Variants in VWC2L observed in about 807,000 individuals in gnomAD.
VWC2L encodes von Willebrand factor C domain containing 2 like, also known as von Willebrand factor C domain-containing protein 2-like.
In VWC2L, 10 loss-of-function variants were observed where a neutral mutation model predicts 21.6. That is an observed-to-expected ratio of 0.46 (90% confidence interval 0.29 to 0.78). The LOEUF (loss-of-function observed/expected upper bound fraction) is 0.78, where lower values mean the gene tolerates loss of function less well. Ranked by LOEUF, VWC2L falls within the 30% of genes least tolerant of loss-of-function variation. The pLI, the probability that VWC2L is intolerant of heterozygous loss-of-function variation, is 0.10. For synonymous variants in VWC2L, 96 were observed against 94.3 expected, an observed-to-expected ratio of 1.02 and a Z score of -0.10; for missense variants, 209 against 277.1, an observed-to-expected ratio of 0.75 and a Z score of 1.74.
intron 2 of VWC2L, among the ~76,000 whole-genome samples, chr2:214,434,009 C>A (rs1161506202): frequency 1.3e-5 from 2 of 152,110 alleles, no homozygotes; most frequent in African/African-American, 4.8e-5. Context: ...AAGAGGAAAT[C>A]ACATGCATAT....
intron 3 of VWC2L, among the ~76,000 whole-genome samples, chr2:214,539,211 G>A (rs1689588901): frequency 6.6e-6 from 1 of 152,140 alleles, no homozygotes; most frequent in South Asian, 2.1e-4. Context: ...CAAAGGGGAT[G>A]TAAATCAACT....
At chr2:214,459,057 T>G (rs951045317) in intron 3 of VWC2L, among the ~76,000 whole-genome samples, 1 of 152,206 alleles carries the variant, frequency 6.6e-6, no homozygotes, top group African/African-American at 2.4e-5. Flanking sequence ...TCTCTCCTTT[T>G]AGATCTAGTA....
intron 3 of VWC2L, among the ~76,000 whole-genome samples, chr2:214,462,542 C>A (rs1051524756): frequency 1.3e-5 from 2 of 152,168 alleles, no homozygotes; most frequent in Non-Finnish European, 2.9e-5. Flanking sequence ...CCTTGAAGCC[C>A]CCTCTCATTC....
chr2:214,501,302 G>A (rs1688887015), intron 3 of VWC2L, among the ~76,000 whole-genome samples: 1 of 152,144 alleles, frequency 6.6e-6, no homozygotes, highest in South Asian at 2.1e-4. Context: ...AGAAACCTGA[G>A]CCATAGGAAG....
At chr2:214,524,524 T>C (rs146027053) in intron 3 of VWC2L, among the ~76,000 whole-genome samples, 1 of 152,290 alleles carries the variant, frequency 6.6e-6, no homozygotes, top group African/African-American at 2.4e-5. Context: ...CAATACAAAT[T>C]GTAATTAACC....
At chr2:214,451,311 G>GT (rs1334223344) in intron 3 of VWC2L, among the ~76,000 whole-genome samples, 2 of 150,000 alleles carry the variant, frequency 1.3e-5, no homozygotes, top group African/African-American at 2.5e-5. Flanking sequence ...GTCGGTGTGG[G>GT]GGGGGGGGGC....
chr2:214,416,686 C>T (rs1559284027), intron 2 of VWC2L, among the ~76,000 whole-genome samples: 1 of 152,028 alleles, frequency 6.6e-6, no homozygotes, highest in Non-Finnish European at 1.5e-5. Context: ...GACTTGGATT[C>T]GAATCCCAAA....
At chr2:214,543,303 T>C (rs2105921817) in intron 3 of VWC2L, among the ~76,000 whole-genome samples, 1 of 152,342 alleles carries the variant, frequency 6.6e-6, no homozygotes, top group African/African-American at 2.4e-5. Context: ...CATAGAGTGT[T>C]TACCTTTAAA....
intron 3 of VWC2L, among the ~76,000 whole-genome samples, chr2:214,537,346 T>C (rs1213095445): frequency 6.6e-6 from 1 of 152,084 alleles, no homozygotes; most frequent in East Asian, 1.9e-4. Context: ...ATGGCTTTTG[T>C]GAATAATTAT....
intron 3 of VWC2L, among the ~76,000 whole-genome samples, chr2:214,554,777 A>G (rs1574633827): frequency 6.6e-6 from 1 of 152,246 alleles, no homozygotes; most frequent in Non-Finnish European, 1.5e-5. Flanking sequence ...TAGCAATAAG[A>G]TACCAAATTC....
At chr2:214,570,957 T>C (rs1285458131) in intron 3 of VWC2L, among the ~76,000 whole-genome samples, 1 of 152,194 alleles carries the variant, frequency 6.6e-6, no homozygotes, top group Non-Finnish European at 1.5e-5. Flanking sequence ...ACTTCACTGC[T>C]GTCAAAAGGG....
At chr2:214,483,425 AAG>A (rs1491513271) in intron 3 of VWC2L, among the ~76,000 whole-genome samples, 1 of 152,204 alleles carries the variant, frequency 6.6e-6, no homozygotes, top group Non-Finnish European at 1.5e-5. Flanking sequence ...CAAAAAAAAA[AAG>A]GAATTTCAAA....
In VWC2L at chr2:214,547,803, C is replaced by T. The variant is rs751327031; in HGVS notation, c.521-27869C>T. Among the ~76,000 whole-genome samples the T allele has an allele frequency of 1.4e-4, 21 of 152,252 alleles. No individual in the cohort carries two copies. In the Middle Eastern group the frequency reaches 0.014, roughly 99 times the overall value. The stretch of plus-strand genomic sequence containing the variant: ...TTTTGGTGGAAAACAAACAGCCTTG[C>T]GATGACTTTATCAATTCTTAGCTTA... On this transcript the variant is annotated intron_variant, in intron 3 of 3. Transcript: ENST00000312504.
chr2:214,470,198 A>G (rs1452520465), intron 3 of VWC2L, among the ~76,000 whole-genome samples: 1 of 150,552 alleles, frequency 6.6e-6, no homozygotes, highest in African/African-American at 2.5e-5. Context: ...CTTGGAAATC[A>G]TTTTTGATAA....
intron 3 of VWC2L, among the ~76,000 whole-genome samples, chr2:214,482,727 C>G (rs1222089346): frequency 6.6e-6 from 1 of 151,088 alleles, no homozygotes; most frequent in Non-Finnish European, 1.5e-5. Context: ...ACTTGGGAGG[C>G]TGTTTAGCCT....
chr2:214,425,815 G>T (rs1702515975), intron 2 of VWC2L, among the ~76,000 whole-genome samples: 1 of 152,068 alleles, frequency 6.6e-6, no homozygotes, highest in Admixed American at 6.6e-5. Flanking sequence ...TCTATCTAAA[G>T]GAATAATACA....
At chr2:214,536,255 C>T (rs908554052) in intron 3 of VWC2L, among the ~76,000 whole-genome samples, 1 of 152,086 alleles carries the variant, frequency 6.6e-6, no homozygotes, top group African/African-American at 2.4e-5. Flanking sequence ...TTGGCATAAG[C>T]CCTCAATAAA....
chr2:214,510,021 G>T (rs4673845), intron 3 of VWC2L, among the ~76,000 whole-genome samples: 63,872 of 152,044 alleles, frequency 0.42, 14,151 homozygotes, highest in East Asian at 0.73. Flanking sequence ...TAAGATCCCA[G>T]TTGAAACTAT....
At chr2:214,484,658 G>A (rs1213652093) in intron 3 of VWC2L, among the ~76,000 whole-genome samples, 4 of 152,102 alleles carry the variant, frequency 2.6e-5, no homozygotes, top group African/African-American at 7.2e-5. Flanking sequence ...ATATGGCATC[G>A]GGCAGAAATC....
Sources: allele counts gnomAD v4.1 joint callset (sites outside exome capture counted in the v4.1 genomes callset), GRCh38; gene constraint gnomAD v4.1.1; transcripts MANE v1.5; gene names NCBI Gene and HGNC (gene_info 2026-07-23, HGNC 2026-07-21).